The following CCDC187 variants were observed in gnomAD, a reference collection of about 807,000 sequenced individuals.
CCDC187 encodes the protein coiled-coil domain containing 187.
Under a neutral mutation model 38.0 loss-of-function variants are expected in CCDC187, and 32 were observed. The ratio of observed to expected loss-of-function variants is 0.84; its 90% confidence interval spans 0.64 to 1.13. CCDC187 has a LOEUF of 1.13. CCDC187 is among the 50% of genes most tolerant of loss of function. The pLI is 0.00. For synonymous variants in CCDC187, 333 were observed against 347.9 expected, an observed-to-expected ratio of 0.96 and a Z score of 0.48; for missense variants, 707 against 786.8, an observed-to-expected ratio of 0.90 and a Z score of 1.21.
rs1830573292 is a variant in CCDC187, at chr9:136,253,445, C to A, written c.*149G>T. 1 of 248,818 alleles carries A rather than the reference C, an allele frequency of 4.0e-6. No individual in the cohort carries two copies. The highest frequency in any genetic ancestry group is 2.3e-5 in the African/African-American group (1 of 43,410). The allele number at this position is 248,818 out of a possible 1,614,324, so 15.4% of individuals were successfully genotyped here. A position where few individuals can be genotyped will look rare whatever the true frequency, so the allele number is the denominator to read the frequency against. On this transcript the variant is annotated 3_prime_UTR_variant, in exon 26 of 26. Coordinates refer to ENST00000638797, the MANE Select transcript of CCDC187 (RefSeq NM_001378188.1). The stretch of plus-strand genomic sequence containing the variant: ...CCCTGGGAGCCCTCCAGGGGCACTG[C>A]CTGACCCCTCACACGACGAGTGCCC...
At chr9:136,256,389 C>G in intron 23 of CCDC187, 66 bp from the exon 24 acceptor site, 1 of 785,328 alleles carries the variant, frequency 1.3e-6, no homozygotes, top group Non-Finnish European at 1.5e-6. Flanking sequence ...CCTCCCGTAG[C>G]TGGATGGAGC....
chr9:136,277,630 G>A (rs1196340805), intron 10 of CCDC187, among the ~76,000 whole-genome samples: 1 of 152,130 alleles, frequency 6.6e-6, no homozygotes, highest in African/African-American at 2.4e-5. Flanking sequence ...CTCTTCCTTG[G>A]ATAGTGAAGT....
rs1389623644 is a variant in CCDC187 at position 136,300,265 on chromosome 9, C to T, written c.679G>A (p.Gly227Ser). 15 of 398,646 alleles carry T rather than the reference C, an allele frequency of 3.8e-5. No homozygotes were observed. The South Asian group carries it at 1.1e-3, about 30-fold the overall frequency. 24.7% of individuals were successfully genotyped at this position (398,646 alleles called of 1,614,324 possible). The change falls in exon 3 of 26, where the codon GGC (glycine) becomes AGC (serine). Residue 227 changes from glycine to serine, a missense_variant. Physicochemically the swap from Gly to Ser is moderately conservative, Grantham distance 56. Coordinates refer to ENST00000638797, the MANE Select transcript of CCDC187 (RefSeq NM_001378188.1). The stretch of plus-strand genomic sequence containing the variant: ...ACCCTGGAGAGCTCGCGCCCCTGGC[C>T]GTGGGATGCCTTGGCTTCAACTCTG... Reference protein sequence around the residue: ...ERRVEAKASHGQGRELSRVSQ... With the variant: ...ERRVEAKASHSQGRELSRVSQ...
In CCDC187 at chr9:136,303,104, G is replaced by A; in HGVS notation, c.333C>T (p.Ser111=). The part of the protein sequence containing the change: ...STGPEARDGD[S]SVSSGRLSCS... ...ACGAGAGGCGGCCCGATGACACCGA[G>A]CTGTCCCCATCCCTAGCCTCCGGGC... Residue 111 remains serine, a synonymous_variant, in exon 2 of 26, where the codon AGC becomes AGT. Coordinates refer to ENST00000638797, the MANE Select transcript of CCDC187 (RefSeq NM_001378188.1). The A allele has an allele frequency of 2.5e-6, 1 of 398,658 alleles. No individual in the cohort carries two copies. The highest frequency in any genetic ancestry group is 4.4e-6 in the Non-Finnish European group (1 of 226,074). The allele number at this position is 398,658 out of a possible 1,614,324, so 24.7% of individuals were successfully genotyped here. A position where few individuals can be genotyped will look rare whatever the true frequency, so the allele number is the denominator to read the frequency against.
At chr9:136,306,075 C>T (rs936480099), upstream of CCDC187, among the ~76,000 whole-genome samples, 83 of 152,308 alleles carry the variant, frequency 5.4e-4, 1 homozygote, top group Admixed American at 5.2e-3. Flanking sequence ...GTACGAGGCT[C>T]GGGGCTACTC....
intron 19 of CCDC187, among the ~76,000 whole-genome samples, chr9:136,260,635 C>T (rs1376529802): frequency 6.6e-6 from 1 of 152,008 alleles, no homozygotes; most frequent in Admixed American, 6.5e-5. Context: ...CAAGAAAACT[C>T]CTGCTGTCTC....
chr9:136,284,950 G>C (rs1831138768), intron 9 of CCDC187, among the ~76,000 whole-genome samples: 1 of 152,154 alleles, frequency 6.6e-6, no homozygotes. Flanking sequence ...GGGGCTGCAG[G>C]CGCTGGGGTA....
At chr9:136,282,057 G>A (rs1173241195) in intron 9 of CCDC187, among the ~76,000 whole-genome samples, 4 of 152,340 alleles carry the variant, frequency 2.6e-5, no homozygotes, top group African/African-American at 4.8e-5. Flanking sequence ...CGTGGCCACC[G>A]TTGGTCCCCA....
In CCDC187 at chr9:136,290,793, C is replaced by A. The variant is rs1426844542; in HGVS notation, c.1820G>T (p.Ser607Ile). ...AKHALPRPTG[S>I]FPQNPLGKEK... is the part of the protein sequence containing the mutation. Reference sequence around the variant, plus strand: ...CTTCCCAAGTGGGTTCTGAGGGAAGCTCCCGGTGGGCCTTGGCAGGGCATG... The same window carrying A: ...CTTCCCAAGTGGGTTCTGAGGGAAGATCCCGGTGGGCCTTGGCAGGGCATG... The change falls in exon 6 of 26, where the codon AGC becomes ATC. Residue 607 changes from serine (S) to isoleucine (I), a missense_variant. Ser to Ile is a moderately radical substitution (Grantham distance 142). Coordinates refer to ENST00000638797, the MANE Select transcript of CCDC187 (RefSeq NM_001378188.1). 15 of 398,454 alleles carry A rather than the reference C, an allele frequency of 3.8e-5. No homozygotes were observed. The highest frequency in any genetic ancestry group is 4.4e-6 in the Non-Finnish European group (1 of 226,006). 24.7% of individuals were successfully genotyped at this position (398,454 alleles called of 1,614,324 possible). A position where few individuals can be genotyped will look rare whatever the true frequency, so the allele number is the denominator to read the frequency against.
At position 136,254,508 on chromosome 9, in the gene CCDC187, A is replaced by G; in HGVS notation, c.5320T>C (p.Cys1774Arg). The G allele has an allele frequency of 2.0e-6, 2 of 985,446 alleles. No individual in the cohort carries two copies. The highest frequency in any genetic ancestry group is 4.7e-5 in the South Asian group (1 of 21,284). 61.0% of individuals were successfully genotyped at this position (985,446 alleles called of 1,614,324 possible). ...CCCGAGGCTGGCTTGGCCCCGGTAC[A>G]GGGTTCTGGCAGGTCCTCCTCGCAG... ...EDCEEDLPEP[C>R]TGAKPASGSS... Residue 1774 changes from cysteine to arginine, a missense_variant, in exon 26 of 26, where the codon TGT (cysteine) becomes CGT (arginine). Coordinates refer to ENST00000638797, the MANE Select transcript of CCDC187 (RefSeq NM_001378188.1).
intron 21 of CCDC187, 108 bp from the exon 22 acceptor site, chr9:136,259,109 G>A (rs1380454346): frequency 2.3e-6 from 2 of 880,050 alleles, no homozygotes; most frequent in South Asian, 5.2e-5. Flanking sequence ...GACTGGGGTG[G>A]ATGGGGACAG....
intron 7 of CCDC187, 143 bp downstream of exon 7, chr9:136,289,816 C>T (rs925790147): frequency 7.4e-5 from 29 of 392,594 alleles, no homozygotes; most frequent in Admixed American, 1.3e-4. Context: ...GCACTGTGGG[C>T]GGGCAGGGCA....
At chr9:136,289,862 G>A in intron 7 of CCDC187, 97 bp downstream of exon 7, 1 of 395,872 alleles carries the variant, frequency 2.5e-6, no homozygotes, top group East Asian at 3.6e-5. Flanking sequence ...TCGGTCATGA[G>A]GCAATGTCAC....
chr9:136,305,038 C>T (rs1053227862), upstream of CCDC187, among the ~76,000 whole-genome samples: 2 of 152,344 alleles, frequency 1.3e-5, no homozygotes, highest in East Asian at 1.9e-4. Flanking sequence ...AGATTCCAAG[C>T]CAAACGGGGC....
Position 136,290,518 on chromosome 9 carries a change from C to T in CCDC187, c.2095G>A (p.Val699Met), listed in dbSNP as rs2131304275. The change falls in exon 6 of 26, where the codon GTG (valine) becomes ATG (methionine). Residue 699 changes from valine (V) to methionine (M), a missense_variant. Coordinates refer to ENST00000638797, the MANE Select transcript of CCDC187 (RefSeq NM_001378188.1). ...PVVSRTTPGI[V>M]TFVPSSAQSG... ...TGTGCAGAACTGGGGACAAAGGTCACGATGCCAGGGGTGGTCCGGGAGACC... is the reference window on the plus strand; with the variant it reads ...TGTGCAGAACTGGGGACAAAGGTCATGATGCCAGGGGTGGTCCGGGAGACC... The T allele has an allele frequency of 2.5e-6, 1 of 398,674 alleles. No homozygotes were observed. Among genetic ancestry groups the T allele is most frequent in the East Asian group, 3.6e-5 (1 of 28,064 alleles). 24.7% of individuals were successfully genotyped at this position (398,674 alleles called of 1,614,324 possible).
At chr9:136,278,188 T>C (rs1309066617) in intron 10 of CCDC187, among the ~76,000 whole-genome samples, 1 of 152,248 alleles carries the variant, frequency 6.6e-6, no homozygotes, top group Admixed American at 6.5e-5. Context: ...TGCTTTTGTT[T>C]CATGGCCCTG....
Position 136,303,188 on chromosome 9 carries a change from G to A in CCDC187, c.249C>T (p.Asp83=), listed in dbSNP as rs990944515. The change falls in exon 2 of 26, where the codon GAC becomes GAT. Residue 83 remains aspartate (D), a synonymous_variant. Coordinates refer to ENST00000638797, the MANE Select transcript of CCDC187 (RefSeq NM_001378188.1). The part of the protein sequence containing the change: ...PWAAPHVVGS[D]DLKEPGPWGK... ...CCCAGGGTCCTGGTTCCTTGAGGTC[G>A]TCAGACCCGACCACGTGGGGAGCTG... is the stretch of plus-strand genomic sequence containing the variant. 3.5e-5 allele frequency: 14 copies of A among 398,606 alleles called. No homozygotes were observed. Among genetic ancestry groups the A allele is most frequent in the East Asian group, 1.8e-4 (5 of 28,072 alleles). The allele number at this position is 398,606 out of a possible 1,614,324, so 24.7% of individuals were successfully genotyped here.
Position 136,265,983 on chromosome 9 carries a change from T to TTGC in CCDC187, c.3705_3707dup (p.Gln1236dup). ...GCTCCTTCTCCAATCTGCTGAGGGC[T>TTGC]TGCTGCTGCTTCTCAACCAGCGCGG... On this transcript the variant is annotated inframe_insertion, in exon 17 of 26. Transcript: ENST00000638797. 1 of 985,506 alleles carries TTGC rather than the reference T, an allele frequency of 1.0e-6. No individual in the cohort carries two copies. 61.0% of individuals were successfully genotyped at this position (985,506 alleles called of 1,614,324 possible).
upstream of CCDC187, chr9:136,306,804 C>G (rs1937498571): frequency 1.3e-5 from 2 of 152,464 alleles, no homozygotes; most frequent in East Asian, 3.9e-4. Context: ...CACAGAACAG[C>G]CACACACCTC....
Sources: gnomAD v4.1 joint callset for allele counts (sites outside exome capture counted in the v4.1 genomes callset) on GRCh38, gnomAD v4.1.1 for gene constraint, MANE v1.5 for transcripts, NCBI Gene and HGNC (gene_info 2026-07-23, HGNC 2026-07-21) for gene names.